VWA8: variants seen among roughly 807,000 people sequenced by gnomAD.
VWA8 encodes the protein von Willebrand factor A domain containing 8.
Under a neutral mutation model 241.5 loss-of-function variants are expected in VWA8, and 221 were observed. That is an observed-to-expected ratio of 0.91 (90% CI 0.82 to 1.02). The LOEUF is 1.02. Among genes scored for constraint, VWA8 ranks in the 50% least tolerant of loss-of-function variants. The pLI is 0.00. For synonymous variants in VWA8, 852 were observed against 827.1 expected (o/e 1.03, Z -0.52); for missense variants, 2,322 against 2,328.7 (o/e 1.00, Z 0.06).
chr13:41,805,806 C>T (rs1870166041), intron 17 of VWA8, among the ~76,000 whole-genome samples: 1 of 151,402 alleles, frequency 6.6e-6, no homozygotes, highest in Non-Finnish European at 1.5e-5. Flanking sequence ...AAGAGCAAAA[C>T]TTCATCTCAA....
intron 12 of VWA8, among the ~76,000 whole-genome samples, chr13:41,852,213 C>T (rs957734892): frequency 5.9e-5 from 9 of 152,140 alleles, no homozygotes; most frequent in Non-Finnish European, 1.2e-4. Flanking sequence ...TACCTGTTGG[C>T]CATTTGTATG....
chr13:41,801,775 G>C (rs2137961943), intron 17 of VWA8, among the ~76,000 whole-genome samples: 1 of 152,288 alleles, frequency 6.6e-6, no homozygotes, highest in African/African-American at 2.4e-5. Flanking sequence ...AATTTTAGAG[G>C]CAATAAGTGT....
intron 37 of VWA8, among the ~76,000 whole-genome samples, chr13:41,636,678 G>T (rs12875492): frequency 0.065 from 9,961 of 152,138 alleles, 614 homozygotes; most frequent in African/African-American, 0.16. Flanking sequence ...ATCTGACAAA[G>T]GGCTAATATC....
At chr13:41,800,776 G>C (rs1332401262) in intron 17 of VWA8, among the ~76,000 whole-genome samples, 4 of 141,908 alleles carry the variant, frequency 2.8e-5, no homozygotes, top group Admixed American at 7.5e-5. Context: ...CTGGGTGACA[G>C]AGCGAGACTC....
At chr13:41,837,151 C>T (rs1871778669) in intron 12 of VWA8, among the ~76,000 whole-genome samples, 1 of 152,100 alleles carries the variant, frequency 6.6e-6, no homozygotes, top group East Asian at 1.9e-4. Context: ...AACTCCTGGC[C>T]TCCAGCAATC....
chr13:41,911,798 G>A (rs973234332), intron 3 of VWA8, among the ~76,000 whole-genome samples: 1 of 152,252 alleles, frequency 6.6e-6, no homozygotes, highest in South Asian at 2.1e-4. Context: ...TTTTCTACTG[G>A]AAGTGGGGGA....
At chr13:41,639,017 G>A (rs549884650) in intron 37 of VWA8, among the ~76,000 whole-genome samples, 2 of 152,262 alleles carry the variant, frequency 1.3e-5, no homozygotes, top group East Asian at 3.9e-4. Flanking sequence ...GAAGTCAAAG[G>A]AGCTCGCTTC....
Position 41,732,080 on chromosome 13 carries a change from C to T in VWA8, c.2502G>A (p.Leu834=). The stretch of plus-strand genomic sequence containing the variant: ...ATATTTCTATGATTAGGTTACTAAC[C>T]AAAGGTGAGTCTTCATATACAATAA... The part of the protein sequence containing the change: ...DGLIVYEDSP[L]VKAVKLGHIL... The change falls in exon 22 of 45, where the codon TTG becomes TTA. Residue 834 remains leucine (L), a splice_region_variant and synonymous_variant. Transcript: ENST00000379310. 3 of 1,611,824 alleles carry T rather than the reference C, an allele frequency of 1.9e-6. No homozygotes were observed. The highest frequency in any genetic ancestry group is 2.5e-6 in the Non-Finnish European group (3 of 1,178,656).
intron 17 of VWA8, among the ~76,000 whole-genome samples, chr13:41,787,920 A>T (rs993444198): frequency 1.3e-5 from 2 of 152,202 alleles, no homozygotes; most frequent in African/African-American, 4.8e-5. Context: ...TAGGTTGGCA[A>T]TCATAAATTC....
intron 21 of VWA8, among the ~76,000 whole-genome samples, chr13:41,746,326 TTG>T (rs2137885279): frequency 6.6e-6 from 1 of 152,274 alleles, no homozygotes; most frequent in Non-Finnish European, 1.5e-5. Context: ...CTCCTTAAGC[TTG>T]TGATCTAGAA....
At chr13:41,844,630 G>A (rs1872203227) in intron 12 of VWA8, among the ~76,000 whole-genome samples, 1 of 152,112 alleles carries the variant, frequency 6.6e-6, no homozygotes, top group Admixed American at 6.6e-5. Flanking sequence ...ACAGATGTCA[G>A]TAAAATTTCA....
chr13:41,906,280 T>C (rs1049387956), intron 4 of VWA8, among the ~76,000 whole-genome samples: 4 of 152,142 alleles, frequency 2.6e-5, no homozygotes, highest in South Asian at 2.1e-4. Flanking sequence ...GTTTCAAATG[T>C]AAAGAACTAC....
At chr13:41,791,428 A>G (rs1468218498) in intron 17 of VWA8, among the ~76,000 whole-genome samples, 1 of 151,938 alleles carries the variant, frequency 6.6e-6, no homozygotes, top group East Asian at 1.9e-4. Context: ...TTTTTTAATT[A>G]TGAAATATTT....
chr13:41,774,403 A>C (rs548361909), intron 20 of VWA8, among the ~76,000 whole-genome samples: 91 of 152,360 alleles, frequency 6.0e-4, no homozygotes, highest in African/African-American at 2.1e-3. Flanking sequence ...TTGGCCTCCC[A>C]AAGTGCTGGG....
intron 2 of VWA8, 95 bp downstream of exon 2, chr13:41,949,841 G>T: frequency 1.4e-6 from 1 of 692,616 alleles, no homozygotes. Context: ...AAATCATTAG[G>T]TTTATACTAT....
chr13:41,865,740 T>A lies in VWA8; in HGVS notation c.1421A>T (p.Tyr474Phe). ...LGYNIEPIML[Y>F]QDMTARDLLQ... ...AGCTAAAAATGAACACTGTACCTGA[T>A]AGAGCATAATAGGTTCTATGTTGTA... The change falls in exon 12 of 45, where the codon TAT (tyrosine) becomes TTT (phenylalanine). Residue 474 changes from tyrosine (Y) to phenylalanine (F), a missense_variant. Physicochemically the swap from Tyr to Phe is conservative, Grantham distance 22. Transcript: ENST00000379310. 1 of 1,613,704 alleles carries A rather than the reference T, an allele frequency of 6.2e-7. No homozygotes were observed. Among genetic ancestry groups the A allele is most frequent in the Non-Finnish European group, 8.5e-7 (1 of 1,180,028 alleles).
intron 41 of VWA8, 133 bp downstream of exon 41, chr13:41,590,507 T>G: frequency 1.0e-6 from 1 of 987,420 alleles, no homozygotes; most frequent in South Asian, 2.4e-5. Flanking sequence ...TCTTTTTTTT[T>G]TTTTTTAACA....
At chr13:41,752,629 G>C (rs1368326795) in intron 21 of VWA8, among the ~76,000 whole-genome samples, 1 of 152,150 alleles carries the variant, frequency 6.6e-6, no homozygotes, top group Non-Finnish European at 1.5e-5. Flanking sequence ...AGGAGGGGAT[G>C]GAAATAAGAC....
At chr13:41,770,366 G>A (rs974307096) in intron 20 of VWA8, among the ~76,000 whole-genome samples, 1 of 151,504 alleles carries the variant, frequency 6.6e-6, no homozygotes, top group South Asian at 2.1e-4. Context: ...GCGTGAACCC[G>A]GGAGGCAGAG....
Sources: gnomAD v4.1 joint callset for allele counts (sites outside exome capture counted in the v4.1 genomes callset) on GRCh38, gnomAD v4.1.1 for gene constraint, MANE v1.5 for transcripts, NCBI Gene and HGNC (gene_info 2026-07-23, HGNC 2026-07-21) for gene names.